Variants in PCDHA6 observed in about 807,000 individuals in gnomAD.
PCDHA6 encodes the protein protocadherin alpha 6.
A neutral mutation model predicts 60.3 loss-of-function variants in PCDHA6; 55 were observed. The observed-to-expected ratio is 0.91, with a 90% CI of 0.73 to 1.14. PCDHA6 has a LOEUF of 1.14. Ranked by LOEUF, PCDHA6 falls within the 50% of genes most tolerant of loss-of-function variation. The pLI is 0.00. For missense variants in PCDHA6, 1,327 were observed against 1,256.5 expected (o/e 1.06, Z -0.85); for synonymous variants, 652 against 557.9 (o/e 1.17, Z -2.38).
chr5:140,857,573 G>A (rs142356019), intron 1 of PCDHA6: 83,412 of 1,596,632 alleles, frequency 0.052, 9,343 homozygotes, highest in Middle Eastern at 0.089. Flanking sequence ...CTACGTGTCG[G>A]TGCACGCGGA....
intron 1 of PCDHA6, among the ~76,000 whole-genome samples, chr5:140,931,665 T>C (rs2087667345): frequency 6.6e-6 from 1 of 151,998 alleles, no homozygotes. Flanking sequence ...GGCTGGATAT[T>C]TCCTTATAAA....
In PCDHA6 at chr5:140,849,535, C is replaced by T. The variant is rs2150439874; in HGVS notation, c.2394+19050C>T. On this transcript the variant is annotated intron_variant, in intron 1 of 3. Transcript: ENST00000529310. ...GAAGTTGTGGATGTAAATGACAATG[C>T]TCCACAGTTGACTATCAAAACGCTC... 25 of 1,597,860 alleles carry T rather than the reference C, an allele frequency of 1.6e-5. 1 individual carries two copies. In the East Asian group the frequency reaches 4.7e-4, roughly 30 times the overall value.
At position 140,882,987 on chromosome 5, in the gene PCDHA6, C is replaced by T; in HGVS notation, c.2394+52502C>T. The T allele has an allele frequency of 1.9e-6, 3 of 1,614,110 alleles. No individual in the cohort carries two copies. The highest frequency in any genetic ancestry group is 1.7e-6 in the Non-Finnish European group (2 of 1,180,042). ...ATTCTGGACGTGAATGACAACGCCC[C>T]GGAATTTTACCAATCCGTTTATAAA... is the stretch of plus-strand genomic sequence containing the variant. On this transcript the variant is annotated intron_variant, in intron 1 of 3. Coordinates refer to ENST00000529310, the MANE Select transcript of PCDHA6 (RefSeq NM_018909.4).
intron 1 of PCDHA6, chr5:140,868,711 A>G (rs2050603151): frequency 1.1e-5 from 2 of 187,754 alleles, no homozygotes; most frequent in Non-Finnish European, 2.2e-5. Flanking sequence ...AGACACAATA[A>G]TTTAAATTTG....
At position 140,836,647 on chromosome 5, in the gene PCDHA6, G is replaced by C. The variant is rs2150266694; in HGVS notation, c.2394+6162G>C. The C allele has an allele frequency of 1.3e-5, 21 of 1,613,346 alleles. 1 individual carries two copies. The highest frequency in any genetic ancestry group is 1.6e-5 in the Non-Finnish European group (19 of 1,179,654). ...AGCTGGTCATTCTCCCAGCAGAGGCGGCAGAGGGTGTGCTCTGGGGAGGGC... is the reference window on the plus strand; with the variant it reads ...AGCTGGTCATTCTCCCAGCAGAGGCCGCAGAGGGTGTGCTCTGGGGAGGGC... On this transcript the variant is annotated intron_variant, in intron 1 of 3. Transcript: ENST00000529310.
chr5:140,876,759 T>A, intron 1 of PCDHA6: 1 of 1,614,146 alleles, frequency 6.2e-7, no homozygotes, highest in Non-Finnish European at 8.5e-7. Context: ...CTGCGCGGGA[T>A]GGGGGCTCGC....
chr5:140,862,685 C>T (rs782248340), intron 1 of PCDHA6: 8 of 552,656 alleles, frequency 1.4e-5, no homozygotes, highest in Non-Finnish European at 1.8e-5. Flanking sequence ...GTGCTGGTGT[C>T]CTACTCGTTG....
intron 1 of PCDHA6, among the ~76,000 whole-genome samples, chr5:140,902,149 G>T (rs1471758440): frequency 6.8e-6 from 1 of 147,458 alleles, no homozygotes; most frequent in African/African-American, 2.5e-5. Flanking sequence ...AGGATAATTT[G>T]ATTTCTTCCT....
At chr5:140,907,099 C>T (rs2073164781) in intron 1 of PCDHA6, among the ~76,000 whole-genome samples, 1 of 152,108 alleles carries the variant, frequency 6.6e-6, no homozygotes, top group Admixed American at 6.5e-5. Flanking sequence ...GGTGCCACTT[C>T]CACTTCCACC....
intron 1 of PCDHA6, among the ~76,000 whole-genome samples, chr5:140,890,919 G>A (rs181566078): frequency 3.0e-4 from 46 of 152,178 alleles, no homozygotes; most frequent in Admixed American, 9.2e-4. Flanking sequence ...TAATTTGAGA[G>A]TTTCCTTTAG....
chr5:140,902,666 C>A (rs1554190555), intron 1 of PCDHA6, among the ~76,000 whole-genome samples: 1 of 152,122 alleles, frequency 6.6e-6, no homozygotes, highest in Non-Finnish European at 1.5e-5. Context: ...GTCACCCAAG[C>A]AGTGTACACC....
chr5:140,895,668 T>C (rs2065102216), intron 1 of PCDHA6, among the ~76,000 whole-genome samples: 1 of 152,170 alleles, frequency 6.6e-6, no homozygotes, highest in South Asian at 2.1e-4. Flanking sequence ...TGAGAACATG[T>C]AGTATTTGGT....
At chr5:140,951,682 C>T (rs1327606119) in intron 1 of PCDHA6, among the ~76,000 whole-genome samples, 1 of 152,146 alleles carries the variant, frequency 6.6e-6, no homozygotes, top group East Asian at 1.9e-4. Flanking sequence ...TTGGGGATTA[C>T]AATGTGACAT....
chr5:140,887,361 G>T (rs2061424710), intron 1 of PCDHA6, among the ~76,000 whole-genome samples: 1 of 152,144 alleles, frequency 6.6e-6, no homozygotes, highest in South Asian at 2.1e-4. Flanking sequence ...CTCCCAAAGT[G>T]CTGGGATTAC....
intron 1 of PCDHA6, among the ~76,000 whole-genome samples, chr5:140,951,417 C>G (rs1259525145): frequency 6.6e-6 from 1 of 152,044 alleles, no homozygotes; most frequent in Non-Finnish European, 1.5e-5. Context: ...AATTGGCTCA[C>G]AGTTCCACAG....
chr5:140,871,358 A>T, intron 1 of PCDHA6: 6 of 1,614,208 alleles, frequency 3.7e-6, no homozygotes, highest in Non-Finnish European at 5.1e-6. Context: ...TACTCGCAGC[A>T]GAGGCGGCAG....
chr5:140,923,280 A>C (rs2081292990), intron 1 of PCDHA6, among the ~76,000 whole-genome samples: 1 of 152,220 alleles, frequency 6.6e-6, no homozygotes, highest in South Asian at 2.1e-4. Context: ...CTCTACAAAA[A>C]ATTAAAAATT....
In PCDHA6 at chr5:140,850,828, C is replaced by G. The variant is rs2150499866; in HGVS notation, c.2394+20343C>G. 6.3e-7 allele frequency: 1 copy of G among 1,598,230 alleles called. No homozygotes were observed. Among genetic ancestry groups the G allele is most frequent in the East Asian group, 2.2e-5 (1 of 44,856 alleles). On this transcript the variant is annotated intron_variant, in intron 1 of 3. Coordinates refer to ENST00000529310, the MANE Select transcript of PCDHA6 (RefSeq NM_018909.4). ...ATGGCCTTCAGCCCGGGCCTTTCTC[C>G]TTGTGCTGGATCTACAGAGCGAACG...
intron 1 of PCDHA6, among the ~76,000 whole-genome samples, chr5:140,974,578 C>T (rs1554236214): frequency 6.6e-6 from 1 of 152,170 alleles, no homozygotes; most frequent in Admixed American, 6.5e-5. Flanking sequence ...ATGGCATGAT[C>T]TTGGCTCACT....
Sources: gnomAD v4.1 joint callset for allele counts (sites outside exome capture counted in the v4.1 genomes callset) on GRCh38, gnomAD v4.1.1 for gene constraint, MANE v1.5 for transcripts, NCBI Gene and HGNC (gene_info 2026-07-23, HGNC 2026-07-21) for gene names.